Variants in NLGN4Y observed in about 807,000 individuals in gnomAD.
The protein encoded by NLGN4Y is neuroligin-4, Y-linked.
In NLGN4Y, 4 loss-of-function variants were observed where a neutral mutation model predicts 8.4. The observed-to-expected ratio is 0.48, with a 90% confidence interval of 0.23 to 1.09. The LOEUF is 1.09. NLGN4Y is among the 50% of genes least tolerant of loss of function. The pLI is 0.19. For missense variants in NLGN4Y, 90 were observed against 192.3 expected (o/e 0.47, Z 3.15); for synonymous variants, 35 against 75.6 (o/e 0.46, Z 2.78).
intron 2 of NLGN4Y, among the ~76,000 whole-genome samples, chrY:14,658,039 A>G (rs2080660585): frequency 3.0e-5 from 1 of 33,273 alleles, no homozygotes; most frequent in African/African-American, 1.2e-4. Flanking sequence ...AAATATGCAG[A>G]TATGTTACAA....
intron 1 of NLGN4Y, among the ~76,000 whole-genome samples, chrY:14,570,680 A>T: frequency 3.1e-5 from 1 of 31,848 alleles, no homozygotes; most frequent in African/African-American, 1.2e-4. Context: ...GTGCTATGTT[A>T]GTGTACTGCA....
chrY:14,692,607 C>T (rs759070344), intron 2 of NLGN4Y, among the ~76,000 whole-genome samples: 8 of 33,567 alleles, frequency 2.4e-4, no homozygotes, highest in African/African-American at 9.3e-4. Context: ...GCATGTGACT[C>T]AATCAACATC....
At chrY:14,525,743 G>A in intron 1 of NLGN4Y, among the ~76,000 whole-genome samples, 1 of 31,438 alleles carries the variant, frequency 3.2e-5, no homozygotes, top group Non-Finnish European at 7.7e-5. Context: ...CTTTTTGAAG[G>A]CATCCATTGC....
intron 1 of NLGN4Y, among the ~76,000 whole-genome samples, chrY:14,540,007 C>T: frequency 3.7e-5 from 1 of 27,226 alleles, no homozygotes; most frequent in African/African-American, 1.5e-4. Context: ...CGGTGGGTCC[C>T]ATCCCCACTG....
chrY:14,616,060 G>C, intron 1 of NLGN4Y, among the ~76,000 whole-genome samples: 1 of 32,093 alleles, frequency 3.1e-5, no homozygotes, highest in Non-Finnish European at 7.9e-5. Context: ...GAATTCAGCT[G>C]TGAATCTGTC....
chrY:14,669,427 G>A (rs2080703004), intron 2 of NLGN4Y, among the ~76,000 whole-genome samples: 1 of 33,085 alleles, frequency 3.0e-5, no homozygotes, highest in Non-Finnish European at 7.5e-5. Flanking sequence ...AATTAAACTC[G>A]GCATTATATA....
chrY:14,568,709 T>C (rs2080260250), intron 1 of NLGN4Y, among the ~76,000 whole-genome samples: 1 of 33,047 alleles, frequency 3.0e-5, no homozygotes, highest in Non-Finnish European at 7.4e-5. Context: ...ACATCTTCTT[T>C]GAGTGAGAAA....
chrY:14,553,614 A>C, intron 1 of NLGN4Y, among the ~76,000 whole-genome samples: 6 of 27,125 alleles, frequency 2.2e-4, no homozygotes, highest in Admixed American at 3.6e-4. Context: ...AAAATATATA[A>C]ATTTTCAATA....
chrY:14,589,422 TC>T lies in NLGN4Y; in HGVS notation c.-111-32584del, dbSNP rs2080355996. On this transcript the variant is annotated intron_variant, in intron 1 of 6. Transcript: ENST00000684976. ...AGAGTGCCGATTGGTGTATTTACAA[TC>T]CCTGAGCTAGACATAAAGGTTCTCC... Among the ~76,000 whole-genome samples, 7 of 30,425 alleles carry T rather than the reference TC, an allele frequency of 2.3e-4. No individual in the cohort carries two copies. The South Asian group carries it at 5.9e-3, about 25-fold the overall frequency. The allele number at this position is 30,425 out of a possible 37,273, so 81.6% of individuals were successfully genotyped here.
chrY:14,712,517 T>C (rs2080902850), intron 2 of NLGN4Y, among the ~76,000 whole-genome samples: 1 of 33,114 alleles, frequency 3.0e-5, no homozygotes, highest in East Asian at 8.1e-4. Flanking sequence ...CAGAGCAGCC[T>C]GTTTTCTTTG....
At chrY:14,759,532 T>C in intron 4 of NLGN4Y, among the ~76,000 whole-genome samples, 1 of 33,846 alleles carries the variant, frequency 3.0e-5, no homozygotes, top group Admixed American at 2.7e-4. Context: ...AATCTCCTGA[T>C]CTCCTGACCT....
chrY:14,789,730 T>C, intron 4 of NLGN4Y, among the ~76,000 whole-genome samples: 8 of 33,812 alleles, frequency 2.4e-4, no homozygotes. Flanking sequence ...CCCTTCACCT[T>C]GTGCATTAAG....
chrY:14,678,531 T>A, intron 2 of NLGN4Y, among the ~76,000 whole-genome samples: 1 of 33,218 alleles, frequency 3.0e-5, no homozygotes, highest in East Asian at 8.1e-4. Flanking sequence ...AAGAAAGAAG[T>A]GGAAATCAAG....
At chrY:14,783,309 A>G (rs2150577062) in intron 4 of NLGN4Y, among the ~76,000 whole-genome samples, 1 of 33,564 alleles carries the variant, frequency 3.0e-5, no homozygotes, top group Admixed American at 2.7e-4. Context: ...TACTAAGTCT[A>G]TTTTTATTGC....
At chrY:14,714,582 T>G (rs1000407485) in intron 2 of NLGN4Y, among the ~76,000 whole-genome samples, 1 of 33,067 alleles carries the variant, frequency 3.0e-5, no homozygotes, top group African/African-American at 1.2e-4. Flanking sequence ...ATTTACCATA[T>G]GCAGAAACCT....
intron 2 of NLGN4Y, among the ~76,000 whole-genome samples, chrY:14,642,240 A>T: frequency 3.0e-5 from 1 of 33,879 alleles, no homozygotes; most frequent in Non-Finnish European, 7.3e-5. Context: ...CACCTTCATC[A>T]GTAAGAGACT....
rs745547314 is a variant in NLGN4Y at position 14,834,646 on chromosome Y, G to A, written c.1661+4127G>A. 3.5e-3 allele frequency among the ~76,000 whole-genome samples: 118 copies of A among 34,135 alleles called. No homozygotes were observed. The East Asian group carries it at 0.088, about 26-fold the overall frequency. The allele number at this position is 34,135 out of a possible 37,273, so 91.6% of individuals were successfully genotyped here. A position where few individuals can be genotyped will look rare whatever the true frequency, so the allele number is the denominator to read the frequency against. On this transcript the variant is annotated intron_variant, in intron 6 of 6. Transcript: ENST00000684976. ...TTTAAGTGATCACACTTGTTTGGCA[G>A]CCCTATAAGAGAAAGAAATGAGGAA... is the stretch of plus-strand genomic sequence containing the variant.
intron 4 of NLGN4Y, among the ~76,000 whole-genome samples, chrY:14,781,847 C>A (rs779591435): frequency 6.7e-3 from 226 of 33,530 alleles, no homozygotes; most frequent in Admixed American, 0.017. Context: ...ATTAATCTAT[C>A]ATATTTCAAT....
chrY:14,595,777 C>T (rs915340819), intron 1 of NLGN4Y, among the ~76,000 whole-genome samples: 2 of 33,202 alleles, frequency 6.0e-5, no homozygotes, highest in African/African-American at 1.2e-4. Context: ...CCCTGCTGAT[C>T]GGAATAGTTG....
Sources: gnomAD v4.1 joint callset for allele counts (sites outside exome capture counted in the v4.1 genomes callset) on GRCh38, gnomAD v4.1.1 for gene constraint, MANE v1.5 for transcripts, NCBI Gene and HGNC (gene_info 2026-07-23, HGNC 2026-07-21) for gene names.